Variants in TTC34 observed in about 807,000 individuals in gnomAD.
The protein encoded by TTC34 is tetratricopeptide repeat domain 34, also known as tetratricopeptide repeat protein 34.
A neutral mutation model predicts 40.7 loss-of-function variants in TTC34; 44 were observed. That is an observed-to-expected ratio of 1.08 (90% CI 0.85 to 1.39). The LOEUF (loss-of-function observed/expected upper bound fraction) is 1.39, where lower values mean the gene tolerates loss of function less well. Among genes scored for constraint, TTC34 ranks in the 40% most tolerant of loss-of-function variants. The probability of loss-of-function intolerance (pLI) is 0.00; values close to 1 mark genes in which losing one functional copy is unlikely to be tolerated. For synonymous variants in TTC34, 422 were observed against 398.6 expected, an observed-to-expected ratio of 1.06 and a Z score of -0.70; for missense variants, 884 against 838.0, an observed-to-expected ratio of 1.05 and a Z score of -0.68.
chr1:2,775,301 A>T (rs1351678290), intron 6 of TTC34: 1 of 151,206 alleles, frequency 6.6e-6, no homozygotes, highest in Admixed American at 6.6e-5. Context: ...CTGGAACAGA[A>T]TTCTCCAACC....
chr1:2,748,291 A>C (rs1328474229), intron 6 of TTC34, among the ~76,000 whole-genome samples: 4 of 112,380 alleles, frequency 3.6e-5, no homozygotes, highest in East Asian at 3.0e-4. Context: ...CACAGATGAG[A>C]ATCTGACAGC....
intron 6 of TTC34, among the ~76,000 whole-genome samples, chr1:2,683,708 C>T (rs1379725352): frequency 6.7e-6 from 1 of 149,686 alleles, no homozygotes; most frequent in Middle Eastern, 3.4e-3. Context: ...GGAACAGCAC[C>T]CACACCCCCA....
chr1:2,752,543 C>A (rs1355872505), intron 6 of TTC34, among the ~76,000 whole-genome samples: 1 of 128,970 alleles, frequency 7.8e-6, no homozygotes, highest in East Asian at 2.6e-4. Flanking sequence ...CCCAGGTGAG[C>A]ATCTGACAGC....
chr1:2,768,371 G>A (rs1641859308), intron 6 of TTC34, among the ~76,000 whole-genome samples: 2 of 151,722 alleles, frequency 1.3e-5, no homozygotes, highest in South Asian at 4.2e-4. Flanking sequence ...GGAAAACCAT[G>A]CCCACCACAA....
At chr1:2,751,880 G>A (rs1641332346) in intron 6 of TTC34, among the ~76,000 whole-genome samples, 5 of 113,052 alleles carry the variant, frequency 4.4e-5, no homozygotes, top group East Asian at 3.2e-4. Flanking sequence ...GCCTGGAGCA[G>A]CACCCACACC....
At chr1:2,753,397 C>T (rs1641392670) in intron 6 of TTC34, among the ~76,000 whole-genome samples, 4 of 119,708 alleles carry the variant, frequency 3.3e-5, no homozygotes, top group African/African-American at 1.1e-4. Context: ...CATCTGACAG[C>T]ATGTAACAGC....
intron 8 of TTC34, 43 bp from the exon 9 acceptor site, chr1:2,641,938 C>G: frequency 7.0e-7 from 1 of 1,434,480 alleles, no homozygotes; most frequent in Non-Finnish European, 9.1e-7. Context: ...GTGGGGTCAG[C>G]CCCAAAAGCC....
intron 6 of TTC34, among the ~76,000 whole-genome samples, chr1:2,782,142 T>C (rs925556344): frequency 1.3e-5 from 2 of 152,216 alleles, no homozygotes; most frequent in Non-Finnish European, 2.9e-5. Context: ...GCCTTTTCTT[T>C]GTTGGGAGAT....
At chr1:2,778,288 G>A (rs998561005) in intron 6 of TTC34, among the ~76,000 whole-genome samples, 1 of 152,260 alleles carries the variant, frequency 6.6e-6, no homozygotes, top group Non-Finnish European at 1.5e-5. Flanking sequence ...CGAAGCATCA[G>A]GGCAGACAGC....
chr1:2,786,148 G>C, intron 4 of TTC34, 125 bp from the exon 5 acceptor site: 1 of 860,380 alleles, frequency 1.2e-6, no homozygotes, highest in South Asian at 2.7e-5. Context: ...TGGTGCCAAC[G>C]CTCCCAGTCC....
At chr1:2,652,388 C>A (rs1255386078) in intron 6 of TTC34, among the ~76,000 whole-genome samples, 10 of 151,744 alleles carry the variant, frequency 6.6e-5, no homozygotes, top group African/African-American at 9.7e-5. Flanking sequence ...ATCTGACAGC[C>A]TGGAGCAGCA....
chr1:2,684,976 C>T (rs556949367), intron 6 of TTC34, among the ~76,000 whole-genome samples: 1 of 139,328 alleles, frequency 7.2e-6, no homozygotes, highest in Admixed American at 7.2e-5. Context: ...GAGCATCTGA[C>T]AGCTTAGAAC....
intron 2 of TTC34, among the ~76,000 whole-genome samples, chr1:2,794,180 A>C (rs1362157553): frequency 6.6e-6 from 1 of 151,972 alleles, no homozygotes; most frequent in African/African-American, 2.4e-5. Context: ...GTATTTTAAA[A>C]ATTTTTTGTA....
chr1:2,700,188 G>A (rs1428286273), intron 6 of TTC34, among the ~76,000 whole-genome samples: 1 of 91,034 alleles, frequency 1.1e-5, no homozygotes, highest in African/African-American at 3.3e-5. Flanking sequence ...GTGAGCATCC[G>A]ACAGCCTGGA....
chr1:2,776,225 AG>A (rs1643148699), intron 6 of TTC34: 1 of 101,994 alleles, frequency 9.8e-6, no homozygotes. Context: ...AGCAGCTGAA[AG>A]CCTGGAATGG....
At chr1:2,658,023 A>C in intron 6 of TTC34, among the ~76,000 whole-genome samples, 3 of 116,230 alleles carry the variant, frequency 2.6e-5, no homozygotes, top group Non-Finnish European at 4.1e-5. Context: ...AGCACCCACA[A>C]CCACAGGTGA....
intron 6 of TTC34, among the ~76,000 whole-genome samples, chr1:2,694,749 A>T (rs770617004): frequency 5.6e-5 from 1 of 17,806 alleles, no homozygotes. Context: ...CAGCACCCCA[A>T]ACCCACAGGT....
chr1:2,658,201 A>ACAGCC, intron 6 of TTC34, among the ~76,000 whole-genome samples: 1 of 109,356 alleles, frequency 9.1e-6, no homozygotes, highest in East Asian at 2.4e-4. Context: ...TGAGCATCTG[A>ACAGCC]TGATCTGGAG....
chr1:2,772,698 G>A (rs553168023), intron 6 of TTC34, among the ~76,000 whole-genome samples: 13 of 29,904 alleles, frequency 4.3e-4, no homozygotes, highest in African/African-American at 1.2e-3. Flanking sequence ...CACACCCACA[G>A]GTGAGCATCT....
Sources: gnomAD v4.1 joint callset for allele counts (sites outside exome capture counted in the v4.1 genomes callset) on GRCh38, gnomAD v4.1.1 for gene constraint, MANE v1.5 for transcripts, NCBI Gene and HGNC (gene_info 2026-07-23, HGNC 2026-07-21) for gene names.